Variants in CAMTA1 observed in about 807,000 individuals in gnomAD.
The protein encoded by CAMTA1 is calmodulin binding transcription activator 1.
CAMTA1 carries 27 observed loss-of-function variants against 170.9 expected under a neutral mutation model. The observed-to-expected ratio is 0.16, with a 90% CI of 0.12 to 0.22. The LOEUF (loss-of-function observed/expected upper bound fraction) is 0.22, where lower values mean the gene tolerates loss of function less well. Among genes scored for constraint, CAMTA1 ranks in the 10% least tolerant of loss-of-function variants. CAMTA1 has a pLI of 1.00. For missense variants in CAMTA1, 1,619 were observed against 2,217.2 expected, an observed-to-expected ratio of 0.73 and a Z score of 5.42; for synonymous variants, 833 against 891.5, an observed-to-expected ratio of 0.93 and a Z score of 1.17.
intron 11 of CAMTA1, among the ~76,000 whole-genome samples, chr1:7,688,198 T>G (rs1000665628): frequency 1.6e-5 from 2 of 127,590 alleles, no homozygotes; most frequent in Non-Finnish European, 3.4e-5. Context: ...TAGTACAGAG[T>G]TTCACCATGT....
intron 5 of CAMTA1, among the ~76,000 whole-genome samples, chr1:7,287,396 G>A (rs1365125813): frequency 6.6e-6 from 1 of 152,214 alleles, no homozygotes; most frequent in Non-Finnish European, 1.5e-5. Flanking sequence ...AGACCTCTGA[G>A]CATCACATTC....
intron 6 of CAMTA1, among the ~76,000 whole-genome samples, chr1:7,551,299 G>A (rs1415075529): frequency 7.7e-6 from 1 of 129,886 alleles, no homozygotes; most frequent in Non-Finnish European, 1.6e-5. Flanking sequence ...GTGCGCAGGT[G>A]CACTGAGTGT....
chr1:6,890,258 A>C (rs1674222128), intron 3 of CAMTA1, among the ~76,000 whole-genome samples: 1 of 152,226 alleles, frequency 6.6e-6, no homozygotes, highest in East Asian at 1.9e-4. Context: ...CTTTATAGCA[A>C]GTCTTCAGCA....
In CAMTA1 at chr1:7,372,947, G is replaced by C. The variant is rs61271518; in HGVS notation, c.439-94883G>C. 4.2e-3 allele frequency among the ~76,000 whole-genome samples: 640 copies of C among 152,338 alleles called. 5 individuals carry two copies. The highest frequency in any genetic ancestry group is 0.015 in the African/African-American group (615 of 41,580). On this transcript the variant is annotated intron_variant, in intron 5 of 22. Coordinates refer to ENST00000303635, the MANE Select transcript of CAMTA1 (RefSeq NM_015215.4). ...CATTGAAGTGGCCCTGGGCCAACCA[G>C]GTAGTGCTTCCACAGTGCCTTTACT...
chr1:7,548,655 C>A (rs1423887344), intron 6 of CAMTA1, among the ~76,000 whole-genome samples: 1 of 131,814 alleles, frequency 7.6e-6, no homozygotes, highest in Admixed American at 7.5e-5. Context: ...GTGGAGGGTG[C>A]CCCCTTAGGG....
intron 3 of CAMTA1, among the ~76,000 whole-genome samples, chr1:6,897,414 T>C (rs780279629): frequency 7.6e-6 from 1 of 132,450 alleles, no homozygotes; most frequent in African/African-American, 2.8e-5. Context: ...ATGTCAGTCA[T>C]TGGTTTCCTA....
chr1:7,319,097 A>G (rs1677972150), intron 5 of CAMTA1, among the ~76,000 whole-genome samples: 1 of 152,060 alleles, frequency 6.6e-6, no homozygotes, highest in Admixed American at 6.6e-5. Flanking sequence ...GGGAGGGGGG[A>G]AGGCAGACAC....
chr1:7,343,313 C>T (rs548142731), intron 5 of CAMTA1, among the ~76,000 whole-genome samples: 2 of 152,264 alleles, frequency 1.3e-5, no homozygotes, highest in South Asian at 2.1e-4. Context: ...TTGTGGGGCT[C>T]ATGGCACACG....
In CAMTA1 at chr1:7,067,095, G is replaced by T. The variant is rs1709055038; in HGVS notation, c.235-24209G>T. On this transcript the variant is annotated intron_variant, in intron 3 of 22. Transcript: ENST00000303635. The surrounding 1 kb of genome is among the most constrained non-coding windows in gnomAD (Gnocchi z 4.3). Reference sequence around the variant, plus strand: ...CCTTCCCTGTGCTTGGAATGCCCCAGTCCCCACACGGGGCACCCCCTTACC... The same window carrying T: ...CCTTCCCTGTGCTTGGAATGCCCCATTCCCCACACGGGGCACCCCCTTACC... 6.6e-6 allele frequency among the ~76,000 whole-genome samples: 1 copy of T among 152,220 alleles called. No individual in the cohort carries two copies. The highest frequency in any genetic ancestry group is 6.5e-5 in the Admixed American group (1 of 15,282).
chr1:6,814,555 C>T (rs531601184), intron 1 of CAMTA1, among the ~76,000 whole-genome samples: 12 of 152,318 alleles, frequency 7.9e-5, no homozygotes, highest in Admixed American at 7.8e-4. Context: ...AGTCTGCCCA[C>T]CAGGAGCACC....
At position 7,276,314 on chromosome 1, in the gene CAMTA1, T is replaced by G. The variant is rs1453891644; in HGVS notation, c.438+26688T>G. On this transcript the variant is annotated intron_variant, in intron 5 of 22. Coordinates refer to ENST00000303635, the MANE Select transcript of CAMTA1 (RefSeq NM_015215.4). Reference sequence around the variant, plus strand: ...ATATATATATATATATTTTTTTTTTTTTTTTTTCTTTTTGAGACAGAATCT... The same window carrying G: ...ATATATATATATATATTTTTTTTTTGTTTTTTTCTTTTTGAGACAGAATCT... 5.8e-5 allele frequency among the ~76,000 whole-genome samples: 6 copies of G among 103,710 alleles called. 1 individual carries two copies. The East Asian group carries it at 1.8e-3, about 31-fold the overall frequency. 68.0% of individuals were successfully genotyped at this position (103,710 alleles called of 152,430 possible). A position where few individuals can be genotyped will look rare whatever the true frequency, so the allele number is the denominator to read the frequency against.
rs191533902 is a variant in CAMTA1, at chr1:7,548,480, G to A, written c.510+80579G>A. Among the ~76,000 whole-genome samples the A allele has an allele frequency of 4.8e-4, 44 of 90,734 alleles. 1 individual carries two copies. In the East Asian group the frequency reaches 0.011, roughly 23 times the overall value. The allele number at this position is 90,734 out of a possible 152,430, so 59.5% of individuals were successfully genotyped here. A position where few individuals can be genotyped will look rare whatever the true frequency, so the allele number is the denominator to read the frequency against. On this transcript the variant is annotated intron_variant, in intron 6 of 22. Coordinates refer to ENST00000303635, the MANE Select transcript of CAMTA1 (RefSeq NM_015215.4). ...GTGCCCCCTTAGGAGTGGAGGTGCT[G>A]GTGGAGGGTGCCCCTTTAGGGGTGG...
chr1:7,487,010 A>G (rs770598593), intron 6 of CAMTA1, among the ~76,000 whole-genome samples: 86 of 128,394 alleles, frequency 6.7e-4, no homozygotes, highest in Admixed American at 2.3e-3. Context: ...CACCTGACTC[A>G]AGGGTTGTTG....
chr1:7,337,117 G>A (rs112386065), intron 5 of CAMTA1, among the ~76,000 whole-genome samples: 2,447 of 152,356 alleles, frequency 0.016, 28 homozygotes, highest in Middle Eastern at 0.027. Context: ...GATTACGGCA[G>A]ATGATTGAGC....
In CAMTA1 at chr1:7,663,562, A is replaced by G. The variant is rs764746988; in HGVS notation, c.1015A>G (p.Ser339Gly). Residue 339 changes from serine (S) to glycine (G), a missense_variant, in exon 9 of 23, where the codon AGC becomes GGC. Physicochemically the swap from Ser to Gly is moderately conservative, Grantham distance 56 (BLOSUM62 0). Transcript: ENST00000303635. ...KVAKPVLLHQ[S>G]STEVSSTNQV... ...GGCCAAGCCCGTGCTCCTGCACCAG[A>G]GCAGCACCGAGGTCTCCTCCACCAA... 5 of 1,612,718 alleles carry G rather than the reference A, an allele frequency of 3.1e-6. No individual in the cohort carries two copies. The Admixed American group carries it at 8.3e-5, about 27-fold the overall frequency.
At chr1:7,232,266 C>G (rs1301401114) in intron 4 of CAMTA1, among the ~76,000 whole-genome samples, 1 of 15,698 alleles carries the variant, frequency 6.4e-5, no homozygotes, top group South Asian at 4.2e-3. Flanking sequence ...CTGGACTCCC[C>G]AGGTGTGGCT....
intron 5 of CAMTA1, among the ~76,000 whole-genome samples, chr1:7,467,193 G>T (rs2093231593): frequency 6.6e-6 from 1 of 152,152 alleles, no homozygotes; most frequent in African/African-American, 2.4e-5. Context: ...ACCTGGCTCT[G>T]GCTGTTTTCC....
At chr1:7,601,150 C>T (rs1299434261) in intron 6 of CAMTA1, among the ~76,000 whole-genome samples, 3 of 146,944 alleles carry the variant, frequency 2.0e-5, no homozygotes, top group Admixed American at 6.7e-5. Flanking sequence ...GGCGGCTGGC[C>T]GGGCAGGGGG....
At chr1:7,084,840 G>A (rs759173049) in intron 3 of CAMTA1, among the ~76,000 whole-genome samples, 5 of 152,158 alleles carry the variant, frequency 3.3e-5, no homozygotes, top group Non-Finnish European at 5.9e-5. Context: ...GGACTTAGTA[G>A]GGAAAAGAGT....
Sources: gnomAD v4.1 joint callset for allele counts (sites outside exome capture counted in the v4.1 genomes callset) on GRCh38, gnomAD v4.1.1 for gene constraint, Gnocchi (gnomAD v3.1) non-coding constraint, MANE v1.5 for transcripts, NCBI Gene and HGNC (gene_info 2026-07-23, HGNC 2026-07-21) for gene names.